Variants in COL22A1 observed in about 807,000 individuals in gnomAD.
COL22A1 encodes collagen alpha-1(XXII) chain.
A neutral mutation model predicts 248.9 loss-of-function variants in COL22A1; 221 were observed. That is an observed-to-expected ratio of 0.89 (90% CI 0.80 to 0.99). COL22A1 has a LOEUF of 0.99. Ranked by LOEUF, COL22A1 falls within the 50% of genes least tolerant of loss-of-function variation. The pLI, the probability that COL22A1 is intolerant of heterozygous loss-of-function variation, is 0.00. For missense variants in COL22A1, 2,240 were observed against 2,179.0 expected, an observed-to-expected ratio of 1.03 and a Z score of -0.56; for synonymous variants, 891 against 793.4, an observed-to-expected ratio of 1.12 and a Z score of -2.07.
At chr8:138,776,499 T>C (rs1814473741) in intron 15 of COL22A1, among the ~76,000 whole-genome samples, 1 of 152,122 alleles carries the variant, frequency 6.6e-6, no homozygotes, top group East Asian at 1.9e-4. Flanking sequence ...TCATCCTGCC[T>C]TTATCTAGAG....
intron 39 of COL22A1, among the ~76,000 whole-genome samples, chr8:138,680,006 C>T (rs376169827): frequency 6.6e-6 from 1 of 152,172 alleles, no homozygotes; most frequent in Non-Finnish European, 1.5e-5. Flanking sequence ...GGTGTGGCTC[C>T]GTTTGTCTGT....
At chr8:138,691,965 C>CATGTTTGTGGAGGTGT (rs1827009091) in intron 35 of COL22A1, among the ~76,000 whole-genome samples, 15 of 87,884 alleles carry the variant, frequency 1.7e-4, no homozygotes, top group Middle Eastern at 7.8e-3. Context: ...TGTGGAGGTG[C>CATGTTTGTGGAGGTGT]ATGTGTGGAG....
At chr8:138,912,802 A>G (rs1162437736) in intron 1 of COL22A1, among the ~76,000 whole-genome samples, 1 of 151,596 alleles carries the variant, frequency 6.6e-6, no homozygotes, top group Non-Finnish European at 1.5e-5. Flanking sequence ...AAGTCATGGA[A>G]TGAAGTTCTG....
chr8:138,767,537 T>C (rs1005774741), intron 16 of COL22A1, among the ~76,000 whole-genome samples: 10 of 152,184 alleles, frequency 6.6e-5, no homozygotes, highest in Non-Finnish European at 1.0e-4. Context: ...CTGATTCTCA[T>C]ATCCGGAATC....
chr8:138,805,664 T>G (rs1817513843), intron 10 of COL22A1, among the ~76,000 whole-genome samples: 1 of 145,128 alleles, frequency 6.9e-6, no homozygotes, highest in Non-Finnish European at 1.5e-5. Flanking sequence ...TGTTATGGTG[T>G]GTGTCTGTGT....
intron 10 of COL22A1, among the ~76,000 whole-genome samples, chr8:138,804,965 G>A (rs1331033264): frequency 7.1e-6 from 1 of 140,868 alleles, no homozygotes; most frequent in African/African-American, 2.7e-5. Context: ...GATGGTGTAG[G>A]TAATGGTATG....
At chr8:138,771,275 G>C (rs1055808333) in intron 16 of COL22A1, among the ~76,000 whole-genome samples, 4 of 152,224 alleles carry the variant, frequency 2.6e-5, no homozygotes, top group Non-Finnish European at 5.9e-5. Flanking sequence ...GAGCTATGGC[G>C]ACAGTCTAGG....
At chr8:138,811,314 T>C (rs1240910834) in intron 9 of COL22A1, among the ~76,000 whole-genome samples, 4 of 149,756 alleles carry the variant, frequency 2.7e-5, no homozygotes, top group Admixed American at 6.7e-5. Flanking sequence ...TACACATACA[T>C]ACACACACAT....
intron 36 of COL22A1, among the ~76,000 whole-genome samples, chr8:138,689,448 A>T (rs925408176): frequency 5.3e-5 from 8 of 151,944 alleles, no homozygotes; most frequent in South Asian, 4.2e-4. Context: ...AGGGGAGAAC[A>T]CTCATGCCTG....
intron 27 of COL22A1, among the ~76,000 whole-genome samples, chr8:138,718,451 G>GT (rs1335325089): frequency 2.6e-5 from 4 of 152,158 alleles, no homozygotes; most frequent in African/African-American, 9.7e-5. Context: ...CCCTGAATTT[G>GT]GGTCGTGAAC....
At chr8:138,845,337 C>T (rs1016082009) in intron 3 of COL22A1, among the ~76,000 whole-genome samples, 7 of 151,780 alleles carry the variant, frequency 4.6e-5, no homozygotes, top group Admixed American at 2.0e-4. Flanking sequence ...GGTGAAACCC[C>T]GGCTCTACTA....
intron 25 of COL22A1, among the ~76,000 whole-genome samples, chr8:138,724,174 C>T (rs557186138): frequency 6.6e-6 from 1 of 152,290 alleles, no homozygotes; most frequent in East Asian, 1.9e-4. Context: ...CACCTGCCCC[C>T]TAAGATCCCC....
At chr8:138,843,525 T>A (rs540895146) in intron 4 of COL22A1, among the ~76,000 whole-genome samples, 1 of 152,172 alleles carries the variant, frequency 6.6e-6, no homozygotes, top group African/African-American at 2.4e-5. Flanking sequence ...CAGGGAGGAC[T>A]GGATCCATGT....
chr8:138,652,324 A>C (rs1467916516), intron 45 of COL22A1, among the ~76,000 whole-genome samples: 2 of 152,362 alleles, frequency 1.3e-5, no homozygotes, highest in East Asian at 3.9e-4. Flanking sequence ...TCAAAGTCTT[A>C]TGATAAATGA....
chr8:138,598,713 C>T lies in COL22A1; in HGVS notation c.4365+6G>A, dbSNP rs1564079307. ...CCCGAGTCCAAAGCCATATTAGCATCCTTACCCTCAGTCCTGGAAATCCCG... is the reference window on the plus strand; with the variant it reads ...CCCGAGTCCAAAGCCATATTAGCATTCTTACCCTCAGTCCTGGAAATCCCG... On this transcript the variant is annotated splice_donor_region_variant and intron_variant, in intron 61 of 64. Transcript: ENST00000303045. 2 of 1,612,232 alleles carry T rather than the reference C, an allele frequency of 1.2e-6. No homozygotes were observed. Among genetic ancestry groups the T allele is most frequent in the Non-Finnish European group, 1.7e-6 (2 of 1,179,534 alleles).
intron 56 of COL22A1, 74 bp from the exon 57 acceptor site, chr8:138,608,063 G>A (rs909931203): frequency 2.9e-6 from 4 of 1,391,342 alleles, no homozygotes; most frequent in Non-Finnish European, 4.0e-6. Context: ...GAGATAGACT[G>A]ATGCACAGGA....
chr8:138,749,259 A>G (rs1832392010), intron 22 of COL22A1, among the ~76,000 whole-genome samples: 1 of 152,194 alleles, frequency 6.6e-6, no homozygotes, highest in Non-Finnish European at 1.5e-5. Flanking sequence ...GCAGCATGAA[A>G]ATGAACTAAT....
At chr8:138,889,837 T>C (rs967470429) in intron 1 of COL22A1, among the ~76,000 whole-genome samples, 3 of 152,196 alleles carry the variant, frequency 2.0e-5, no homozygotes, top group African/African-American at 7.2e-5. Context: ...AATTTGATAA[T>C]TTCCCTCATT....
intron 45 of COL22A1, among the ~76,000 whole-genome samples, chr8:138,650,076 T>C (rs777720305): frequency 2.6e-5 from 4 of 152,224 alleles, no homozygotes; most frequent in Non-Finnish European, 4.4e-5. Context: ...GGAAATGATG[T>C]CAAAAATCCA....
Sources: gnomAD v4.1 joint callset for allele counts (sites outside exome capture counted in the v4.1 genomes callset) on GRCh38, gnomAD v4.1.1 for gene constraint, MANE v1.5 for transcripts, NCBI Gene and HGNC (gene_info 2026-07-23, HGNC 2026-07-21) for gene names.